PI4KA: variants seen among roughly 807,000 people sequenced by gnomAD.
The protein encoded by PI4KA is PI4-kinase alpha.
A neutral mutation model predicts 271.4 loss-of-function variants in PI4KA; 122 were observed. That is an observed-to-expected ratio of 0.45 (90% CI 0.39 to 0.52). The LOEUF is 0.52. PI4KA is among the 20% of genes least tolerant of loss of function. PI4KA has a pLI of 0.00. For synonymous variants in PI4KA, 1,041 were observed against 1,078.8 expected, an observed-to-expected ratio of 0.96 and a Z score of 0.69; for missense variants, 1,969 against 2,769.1, an observed-to-expected ratio of 0.71 and a Z score of 6.48.
rs193034729 is a variant in PI4KA, at chr22:20,740,423, A to G, written c.3741+1805T>C. ...GAGAGAGAGAATGAAGTAAAAAAAA[A>G]TTAAAAAAATATTGACCTTAAGAGC... On this transcript the variant is annotated intron_variant, in intron 32 of 54. Coordinates refer to ENST00000255882, the MANE Select transcript of PI4KA (RefSeq NM_058004.4). Among the ~76,000 whole-genome samples, 36 of 151,006 alleles carry G rather than the reference A, an allele frequency of 2.4e-4. No individual in the cohort carries two copies. The East Asian group carries it at 6.8e-3, about 29-fold the overall frequency.
chr22:20,721,551 A>T, intron 42 of PI4KA, 133 bp from the exon 43 acceptor site: 1 of 888,842 alleles, frequency 1.1e-6, no homozygotes, highest in Non-Finnish European at 1.8e-6. Flanking sequence ...GGTGTGGACA[A>T]GCTCTCCAGG....
Position 20,824,380 on chromosome 22 carries a change from G to A in PI4KA, c.402C>T (p.Cys134=), listed in dbSNP as rs547780642. The A allele has an allele frequency of 1.2e-6, 2 of 1,613,394 alleles. No individual in the cohort carries two copies. Among genetic ancestry groups the A allele is most frequent in the African/African-American group, 2.7e-5 (2 of 74,970 alleles). The change falls in exon 4 of 55, where the codon TGC becomes TGT. Residue 134 remains cysteine (C), a synonymous_variant. Transcript: ENST00000255882. The part of the protein sequence containing the change: ...ALPVAESFSF[C]LVTLLSDVAY... ...CCACATCAGACAGCAGAGTTACCAA[G>A]CAGAAGCTGAAGCTCTCTGCAACCG...
At chr22:20,743,881 C>T (rs1725344665) in intron 30 of PI4KA, among the ~76,000 whole-genome samples, 2 of 151,918 alleles carry the variant, frequency 1.3e-5, no homozygotes, top group African/African-American at 2.4e-5. Context: ...AGTGAAACCC[C>T]GTCTCCACTA....
chr22:20,781,313 C>A (rs541797816), intron 19 of PI4KA, among the ~76,000 whole-genome samples: 1 of 152,300 alleles, frequency 6.6e-6, no homozygotes, highest in South Asian at 2.1e-4. Context: ...AGGGGAAACA[C>A]GAGGAATGGT....
intron 42 of PI4KA, among the ~76,000 whole-genome samples, chr22:20,723,086 T>C (rs930889389): frequency 6.6e-6 from 1 of 151,456 alleles, no homozygotes; most frequent in African/African-American, 2.4e-5. Flanking sequence ...TGGAGTGCAA[T>C]CTCAGCTCAC....
At chr22:20,754,645 CT>C (rs1392544108) in intron 23 of PI4KA, among the ~76,000 whole-genome samples, 1 of 152,138 alleles carries the variant, frequency 6.6e-6, no homozygotes, top group African/African-American at 2.4e-5. Flanking sequence ...TCCCTCAATT[CT>C]TTCTACTTTT....
intron 45 of PI4KA, among the ~76,000 whole-genome samples, chr22:20,717,162 A>G (rs2080334): frequency 6.6e-6 from 1 of 152,254 alleles, no homozygotes; most frequent in African/African-American, 2.4e-5. Context: ...GACACAGCGA[A>G]ACTCCATCTC....
chr22:20,813,304 T>A, intron 8 of PI4KA, 54 bp downstream of exon 8: 5 of 1,367,470 alleles, frequency 3.7e-6, no homozygotes, highest in Non-Finnish European at 5.1e-6. Flanking sequence ...GTTTCACCAC[T>A]AGCAATTTTA....
chr22:20,792,679 T>C (rs1398923716), intron 19 of PI4KA, among the ~76,000 whole-genome samples: 3 of 152,088 alleles, frequency 2.0e-5, no homozygotes, highest in Non-Finnish European at 4.4e-5. Flanking sequence ...CAGGACAGGA[T>C]GGAAACAGGC....
In PI4KA at chr22:20,802,091, T is replaced by C. The variant is rs1028776430; in HGVS notation, c.1606A>G (p.Ile536Val). 6.2e-7 allele frequency: 1 copy of C among 1,613,886 alleles called. No individual in the cohort carries two copies. Among genetic ancestry groups the C allele is most frequent in the African/African-American group, 1.3e-5 (1 of 74,906 alleles). The change falls in exon 14 of 55, where the codon ATA (isoleucine) becomes GTA (valine). Residue 536 changes from isoleucine (I) to valine (V), a missense_variant. By Grantham distance (29) the Ile-to-Val change is conservative (BLOSUM62 3). Around this residue, in one of 13 missense-constraint regions of PI4KA, gnomAD observed 228 missense variants for 261.6 expected, o/e 0.87. Transcript: ENST00000255882. Reference sequence around the variant, plus strand: ...TGCTCATTGGTCACACTGATTTTTATATCATTGCCAGCAACTGAAAGTAAA... The same window carrying C: ...TGCTCATTGGTCACACTGATTTTTACATCATTGCCAGCAACTGAAAGTAAA... ...SQYHTVAGND[I>V]KISVTNEHSE... is the part of the protein sequence containing the mutation.
chr22:20,803,945 C>T (rs536977970), intron 12 of PI4KA, among the ~76,000 whole-genome samples: 4 of 152,326 alleles, frequency 2.6e-5, no homozygotes, highest in South Asian at 2.1e-4. Flanking sequence ...TTAAGAGTCT[C>T]GGCAGAGCAG....
chr22:20,797,418 G>A (rs1935049260), intron 17 of PI4KA, among the ~76,000 whole-genome samples: 1 of 152,126 alleles, frequency 6.6e-6, no homozygotes, highest in African/African-American at 2.4e-5. Flanking sequence ...GACACTCCTG[G>A]AGAAAGGGCC....
chr22:20,800,693 T>C (rs1452472298), intron 14 of PI4KA, among the ~76,000 whole-genome samples: 1 of 137,376 alleles, frequency 7.3e-6, no homozygotes, highest in Non-Finnish European at 1.6e-5. Flanking sequence ...AAACCCCATC[T>C]CTACTAAAAA....
intron 28 of PI4KA, among the ~76,000 whole-genome samples, chr22:20,748,347 C>A (rs753536535): frequency 1.4e-4 from 22 of 152,370 alleles, no homozygotes; most frequent in African/African-American, 5.1e-4. Context: ...CTTGGCCTTG[C>A]GGTCAACAGG....
Position 20,746,914 on chromosome 22 carries a change from C to T in PI4KA, c.3363+669G>A, listed in dbSNP as rs372650221. ...ATCCCAAGGGAGGCCTGTCACCCTT[C>T]CTCCTGGGTACACAGCCTCTGCACC... On this transcript the variant is annotated intron_variant, in intron 29 of 54. Coordinates refer to ENST00000255882, the MANE Select transcript of PI4KA (RefSeq NM_058004.4). 2.0e-5 allele frequency among the ~76,000 whole-genome samples: 3 copies of T among 152,350 alleles called. No homozygotes were observed. The South Asian group carries it at 6.2e-4, about 32-fold the overall frequency.
intron 35 of PI4KA, among the ~76,000 whole-genome samples, chr22:20,733,506 A>T (rs1391900690): frequency 6.7e-6 from 1 of 149,840 alleles, no homozygotes; most frequent in Non-Finnish European, 1.5e-5. Context: ...GAACTGAGGG[A>T]AAATTTGCCT....
intron 27 of PI4KA, among the ~76,000 whole-genome samples, chr22:20,750,417 GTCAAGACCTT>G (rs1930545203): frequency 6.6e-6 from 1 of 152,216 alleles, no homozygotes; most frequent in African/African-American, 2.4e-5. Context: ...ATCAATGTCT[GTCAAGACCTT>G]TCAAGCTGCC....
intron 18 of PI4KA, among the ~76,000 whole-genome samples, chr22:20,794,705 T>A (rs1217738691): frequency 6.6e-6 from 1 of 152,154 alleles, no homozygotes; most frequent in Non-Finnish European, 1.5e-5. Flanking sequence ...CCTGCCCTGT[T>A]TCACTCTCCC....
chr22:20,734,524 G>A lies in PI4KA; in HGVS notation c.3771C>T (p.His1257=), dbSNP rs757810681. Residue 1257 remains histidine (H), a synonymous_variant, in exon 33 of 55, where the codon CAC becomes CAT. Coordinates refer to ENST00000255882, the MANE Select transcript of PI4KA (RefSeq NM_058004.4). ...PFMREMAGAW[H]MTVEQKFGLF... is the part of the protein sequence containing the mutation. Reference sequence around the variant, plus strand: ...GGCCAAATTTCTGCTCCACCGTCATGTGCCAGGCCCCTGCCATCTCCCGCA... The same window carrying A: ...GGCCAAATTTCTGCTCCACCGTCATATGCCAGGCCCCTGCCATCTCCCGCA... 9 of 1,613,998 alleles carry A rather than the reference G, an allele frequency of 5.6e-6. No individual in the cohort carries two copies. The highest frequency in any genetic ancestry group is 1.7e-4 in the Middle Eastern group (1 of 6,056).
Sources: allele counts gnomAD v4.1 joint callset (sites outside exome capture counted in the v4.1 genomes callset), GRCh38; gene constraint gnomAD v4.1.1; regional missense constraint gnomAD v4.1.1; transcripts MANE v1.5; gene names NCBI Gene and HGNC (gene_info 2026-07-23, HGNC 2026-07-21).